NMS: variants seen among roughly 807,000 people sequenced by gnomAD.
The protein encoded by NMS is neuromedin S.
Under a neutral mutation model 32.2 loss-of-function variants are expected in NMS, and 30 were observed. The observed-to-expected ratio is 0.93, with a 90% CI of 0.70 to 1.26. The LOEUF (loss-of-function observed/expected upper bound fraction) is 1.26, where lower values mean the gene tolerates loss of function less well. Among genes scored for constraint, NMS ranks in the 50% most tolerant of loss-of-function variants. The probability of loss-of-function intolerance (pLI) is 0.00; values close to 1 mark genes in which losing one functional copy is unlikely to be tolerated. For missense variants in NMS, 190 were observed against 186.3 expected (o/e 1.02, Z -0.12); for synonymous variants, 76 against 58.5 (o/e 1.30, Z -1.37).
At chr2:100,482,439 C>A in intron 9 of NMS, 128 bp downstream of exon 9, 1 of 855,042 alleles carries the variant, frequency 1.2e-6, no homozygotes, top group Non-Finnish European at 1.9e-6. Context: ...CCTTCATAAC[C>A]CCCAGGAACT....
intron 1 of NMS, 36 bp downstream of exon 1, chr2:100,470,600 A>T (rs1199799276): frequency 6.6e-7 from 1 of 1,526,642 alleles, no homozygotes. Context: ...TCTGGCCTAA[A>T]CTCTGAGGAT....
chr2:100,477,318 C>A, intron 4 of NMS, 43 bp from the exon 5 acceptor site: 1 of 1,606,566 alleles, frequency 6.2e-7, no homozygotes, highest in Non-Finnish European at 8.5e-7. Context: ...ATGTTTAGAG[C>A]AAGTGACACT....
chr2:100,481,269 C>CTGG, intron 8 of NMS, 102 bp downstream of exon 8: 1 of 1,067,254 alleles, frequency 9.4e-7, no homozygotes, highest in Non-Finnish European at 1.5e-6. Context: ...CCTTGGTAAA[C>CTGG]TGGTGGATAA....
chr2:100,473,678 A>G, intron 3 of NMS, 139 bp downstream of exon 3: 1 of 260,318 alleles, frequency 3.8e-6, no homozygotes, highest in Non-Finnish European at 7.3e-6. Flanking sequence ...GAAAAAATCA[A>G]GCAAATATCT....
rs749723455 is a variant in NMS, at chr2:100,482,282, G to T, written c.420G>T (p.Arg140Ser). ...WGRPFFLFRP[R>S]NGRNIEDEAQ... is the part of the protein sequence containing the mutation. The stretch of plus-strand genomic sequence containing the variant: ...GTTGCTCCTTTTTTTTTCAGCCCAG[G>T]AATGGAAGAAACATTGAAGATGAGG... Residue 140 changes from arginine to serine, a missense_variant, in exon 9 of 10, where the codon AGG becomes AGT. Transcript: ENST00000376865. 6.2e-7 allele frequency: 1 copy of T among 1,613,884 alleles called. No homozygotes were observed. The highest frequency in any genetic ancestry group is 1.1e-5 in the South Asian group (1 of 91,058).
chr2:100,478,978 G>A (rs1677163519), intron 5 of NMS, among the ~76,000 whole-genome samples: 1 of 152,174 alleles, frequency 6.6e-6, no homozygotes. Context: ...GGTTACGGGG[G>A]CTGCCCTCCA....
chr2:100,474,165 A>G (rs575680305), intron 3 of NMS, among the ~76,000 whole-genome samples: 14 of 152,172 alleles, frequency 9.2e-5, no homozygotes, highest in Non-Finnish European at 1.8e-4. Context: ...ACTCTATCTC[A>G]CCAAAATGAA....
intron 5 of NMS, among the ~76,000 whole-genome samples, chr2:100,478,037 C>T (rs1331003050): frequency 6.6e-6 from 1 of 152,220 alleles, no homozygotes; most frequent in Non-Finnish European, 1.5e-5. Flanking sequence ...TCTCAGCTTA[C>T]TGCAACCTCC....
rs2104340693 is a variant in NMS, at chr2:100,482,315, G to A, written c.449+4G>A. ...GAAACATTGAAGATGAGGCCCAGTA[G>A]GTAGTCCAAGATCAGCTTCATCACC... On this transcript the variant is annotated splice_donor_region_variant and intron_variant, in intron 9 of 9. Transcript: ENST00000376865. 6.2e-7 allele frequency: 1 copy of A among 1,613,820 alleles called. No homozygotes were observed. Among genetic ancestry groups the A allele is most frequent in the Non-Finnish European group, 8.5e-7 (1 of 1,179,786 alleles).
In NMS at chr2:100,470,539, C is replaced by G. The variant is rs1335772253; in HGVS notation, c.51C>G (p.Phe17Leu). The change falls in exon 1 of 10, where the codon TTC becomes TTG. Residue 17 changes from phenylalanine (F) to leucine (L), a missense_variant. Physicochemically the swap from Phe to Leu is conservative, Grantham distance 22. Coordinates refer to ENST00000376865, the MANE Select transcript of NMS (RefSeq NM_001011717.1). ...CTCTCATCTTGGCCATCTACTGCTT[C>G]TGCATGCTACAGATTCCCTCCTCAG... ...QFPLILAIYCFCMLQIPSSGF... is the reference protein window; with the variant it reads ...QFPLILAIYCLCMLQIPSSGF... 1.2e-6 allele frequency: 2 copies of G among 1,613,830 alleles called. No individual in the cohort carries two copies. Among genetic ancestry groups the G allele is most frequent in the African/African-American group, 2.7e-5 (2 of 74,926 alleles).
chr2:100,478,615 C>T (rs2104336856), intron 5 of NMS, among the ~76,000 whole-genome samples: 1 of 152,260 alleles, frequency 6.6e-6, no homozygotes, highest in South Asian at 2.1e-4. Flanking sequence ...CAAGCACGTG[C>T]CACCACACCT....
intron 3 of NMS, among the ~76,000 whole-genome samples, chr2:100,476,046 G>C (rs527807509): frequency 6.6e-6 from 1 of 151,224 alleles, no homozygotes; most frequent in Non-Finnish European, 1.5e-5. Context: ...AAAGTAAGGG[G>C]CATATGAAAC....
At chr2:100,476,561 T>C (rs1031283032) in intron 3 of NMS, among the ~76,000 whole-genome samples, 2 of 152,180 alleles carry the variant, frequency 1.3e-5, no homozygotes, top group South Asian at 4.1e-4. Context: ...TCTTTAAGCA[T>C]GAGTGAGATG....
intron 5 of NMS, among the ~76,000 whole-genome samples, chr2:100,478,857 A>G (rs967382719): frequency 6.6e-6 from 1 of 152,224 alleles, no homozygotes; most frequent in African/African-American, 2.4e-5. Context: ...ATTTTACTCT[A>G]AACCAAAGTA....
intron 7 of NMS, 150 bp from the exon 8 acceptor site, chr2:100,480,976 G>T: frequency 1.3e-6 from 1 of 788,222 alleles, no homozygotes; most frequent in Non-Finnish European, 2.2e-6. Flanking sequence ...CTGGATTGGG[G>T]CAAAGAGTTT....
At chr2:100,481,270 T>C in intron 8 of NMS, 103 bp downstream of exon 8, 1 of 1,054,056 alleles carries the variant, frequency 9.5e-7, no homozygotes, top group Non-Finnish European at 1.5e-6. Flanking sequence ...CTTGGTAAAC[T>C]GGTGGATAAT....
chr2:100,475,676 A>G (rs1200902952), intron 3 of NMS, among the ~76,000 whole-genome samples: 1 of 152,204 alleles, frequency 6.6e-6, no homozygotes, highest in East Asian at 1.9e-4. Context: ...AACATAGATC[A>G]GTAAACTTTG....
At chr2:100,478,110 C>A (rs572848479) in intron 5 of NMS, among the ~76,000 whole-genome samples, 1 of 151,890 alleles carries the variant, frequency 6.6e-6, no homozygotes, top group Non-Finnish European at 1.5e-5. Flanking sequence ...TACAGGCATG[C>A]GCCACCATGC....
intron 3 of NMS, among the ~76,000 whole-genome samples, chr2:100,475,183 A>G (rs1238855210): frequency 6.6e-6 from 1 of 152,198 alleles, no homozygotes; most frequent in African/African-American, 2.4e-5. Flanking sequence ...AGTGAACAAA[A>G]CTGCCAATAT....
Sources: allele counts gnomAD v4.1 joint callset (sites outside exome capture counted in the v4.1 genomes callset), GRCh38; gene constraint gnomAD v4.1.1; transcripts MANE v1.5; gene names NCBI Gene and HGNC (gene_info 2026-07-23, HGNC 2026-07-21).